The following SPINK5 variants were observed in gnomAD, a reference collection of about 807,000 sequenced individuals.
The protein encoded by SPINK5 is serine protease inhibitor Kazal-type 5.
In SPINK5, 125 loss-of-function variants were observed where a neutral mutation model predicts 151.8. The ratio of observed to expected loss-of-function variants is 0.82; its 90% CI spans 0.71 to 0.96. SPINK5 has a LOEUF of 0.96. SPINK5 is among the 40% of genes least tolerant of loss of function. The probability of loss-of-function intolerance (pLI) is 0.00; values close to 1 mark genes in which losing one functional copy is unlikely to be tolerated. For synonymous variants in SPINK5, 374 were observed against 395.3 expected, an observed-to-expected ratio of 0.95 and a Z score of 0.64; for missense variants, 1,194 against 1,291.9, an observed-to-expected ratio of 0.92 and a Z score of 1.16.
In SPINK5 at chr5:148,120,346, T is replaced by A. The variant is rs760919933; in HGVS notation, c.2493T>A (p.Asn831Lys). 5.0e-6 allele frequency: 8 copies of A among 1,600,728 alleles called. No homozygotes were observed. ...AGAAAGAGGATGAAGACAGGAGCAA[T>A]ACAGGAGAAAGGAGCAATACAGGAG... ...KKKKEDEDRS[N>K]TGERSNTGER... The change falls in exon 26 of 33, where the codon AAT becomes AAA. Residue 831 changes from asparagine (N) to lysine (K), a missense_variant. Coordinates refer to ENST00000256084, the MANE Select transcript of SPINK5 (RefSeq NM_006846.4).
chr5:148,125,483 G>A, intron 28 of SPINK5: 1 of 1,561,410 alleles, frequency 6.4e-7, no homozygotes, highest in Non-Finnish European at 8.8e-7. Flanking sequence ...AAAACAGGAA[G>A]GTCTATCAAG....
At chr5:148,108,208 C>T (rs1481665826) in intron 17 of SPINK5, among the ~76,000 whole-genome samples, 1 of 152,220 alleles carries the variant, frequency 6.6e-6, no homozygotes, top group Non-Finnish European at 1.5e-5. Flanking sequence ...GGCTTGTGTT[C>T]AACCCCCAAA....
chr5:148,136,924 C>T lies in SPINK5; in HGVS notation c.3187-59C>T, dbSNP rs530203484. Reference sequence around the variant, plus strand: ...TTAAGATGCAGCTATAAATATACAGCCCACATTTCTGCAATATCTCTGGGT... The same window carrying T: ...TTAAGATGCAGCTATAAATATACAGTCCACATTTCTGCAATATCTCTGGGT... On this transcript the variant is annotated intron_variant, in intron 32 of 32. Coordinates refer to ENST00000256084, the MANE Select transcript of SPINK5 (RefSeq NM_006846.4). The T allele has an allele frequency of 5.6e-6, 9 of 1,599,958 alleles. No homozygotes were observed. The East Asian group carries it at 8.9e-5, about 16-fold the overall frequency.
At position 148,103,685 on chromosome 5, in the gene SPINK5, T is replaced by A. The variant is rs1013207478; in HGVS notation, c.1431-1267T>A. ...CTTTATTGAAAAGAAATAACCTTTA[T>A]CACCTCATGTTTTATAGATATGTTA... On this transcript the variant is annotated intron_variant, in intron 15 of 32. Coordinates refer to ENST00000256084, the MANE Select transcript of SPINK5 (RefSeq NM_006846.4). Among the ~76,000 whole-genome samples, 7 of 152,204 alleles carry A rather than the reference T, an allele frequency of 4.6e-5. 1 individual carries two copies. The highest frequency in any genetic ancestry group is 3.9e-4 in the Admixed American group (6 of 15,278).
Position 148,107,017 on chromosome 5 carries a change from A to G in SPINK5, c.1480-20A>G. ...AAGGATAGAAAACTACTCTGAGAAA[A>G]TATTTTCTTCATTTCCCAGGAAATC... On this transcript the variant is annotated intron_variant, in intron 16 of 32. Coordinates refer to ENST00000256084, the MANE Select transcript of SPINK5 (RefSeq NM_006846.4). The G allele has an allele frequency of 6.2e-7, 1 of 1,610,290 alleles. No homozygotes were observed. The highest frequency in any genetic ancestry group is 8.5e-7 in the Non-Finnish European group (1 of 1,177,688).
At chr5:148,088,494 G>A in intron 5 of SPINK5, 48 bp from the exon 6 acceptor site, 3 of 1,547,308 alleles carry the variant, frequency 1.9e-6, no homozygotes, top group South Asian at 1.1e-5. Context: ...TGAATGGTGG[G>A]AAGTTCTGTG....
At chr5:148,098,117 C>G in intron 11 of SPINK5, 123 bp downstream of exon 11, 1 of 938,838 alleles carries the variant, frequency 1.1e-6, no homozygotes, top group Non-Finnish European at 1.6e-6. Flanking sequence ...GAAAACATTA[C>G]ATGGAAAATA....
At chr5:148,103,361 T>C (rs1753697731) in intron 15 of SPINK5, among the ~76,000 whole-genome samples, 1 of 152,136 alleles carries the variant, frequency 6.6e-6, no homozygotes, top group African/African-American at 2.4e-5. Flanking sequence ...GACTTACAGA[T>C]GAAGGAAAAG....
At chr5:148,096,181 CAT>C (rs763766635) in intron 10 of SPINK5, among the ~76,000 whole-genome samples, 46 of 151,882 alleles carry the variant, frequency 3.0e-4, no homozygotes, top group Non-Finnish European at 3.7e-4. Flanking sequence ...AATATCAAAA[CAT>C]TGTCTGAATT....
chr5:148,077,697 G>T (rs571840947), intron 4 of SPINK5, among the ~76,000 whole-genome samples: 1 of 145,290 alleles, frequency 6.9e-6, no homozygotes, highest in East Asian at 2.0e-4. Flanking sequence ...AGAAAATAAA[G>T]CTTTATTAAG....
At chr5:148,078,843 T>C (rs945518464) in intron 4 of SPINK5, among the ~76,000 whole-genome samples, 3 of 150,530 alleles carry the variant, frequency 2.0e-5, no homozygotes, top group Non-Finnish European at 4.5e-5. Flanking sequence ...AATAATTTAA[T>C]CCTCTACCTT....
At chr5:148,127,306 T>G (rs1489277220) in intron 30 of SPINK5, among the ~76,000 whole-genome samples, 1 of 152,138 alleles carries the variant, frequency 6.6e-6, no homozygotes, top group Non-Finnish European at 1.5e-5. Flanking sequence ...TTCAATTTAG[T>G]ACATTTTGAA....
chr5:148,093,078 G>A (rs913421771), intron 8 of SPINK5, among the ~76,000 whole-genome samples: 1 of 151,870 alleles, frequency 6.6e-6, no homozygotes, highest in African/African-American at 2.4e-5. Context: ...TTATGCCCAT[G>A]TTTTCTTGCC....
At chr5:148,108,707 A>G in intron 17 of SPINK5, 46 bp from the exon 18 acceptor site, 2 of 1,598,754 alleles carry the variant, frequency 1.3e-6, no homozygotes, top group Non-Finnish European at 1.7e-6. Flanking sequence ...ACTACCAAAA[A>G]GAGTAGGGAA....
rs776194215 is a variant in SPINK5, at chr5:148,088,551, G to A, written c.420G>A (p.Gly140=). 46 of 1,611,674 alleles carry A rather than the reference G, an allele frequency of 2.9e-5. No individual in the cohort carries two copies. The highest frequency in any genetic ancestry group is 3.9e-5 in the Non-Finnish European group (46 of 1,178,492). Residue 140 remains glycine, a synonymous_variant, in exon 6 of 33, where the codon GGG becomes GGA. Coordinates refer to ENST00000256084, the MANE Select transcript of SPINK5 (RefSeq NM_006846.4). ...TAACTTTTGATTCTAGGAAAACCGGGTCCCAAATTGGTGTAAAAAGTGAAG... is the reference window on the plus strand; with the variant it reads ...TAACTTTTGATTCTAGGAAAACCGGATCCCAAATTGGTGTAAAAAGTGAAG... ...CALCAENAKT[G]SQIGVKSEGE... is the part of the protein sequence containing the mutation.
chr5:148,120,716 C>G (rs1754234556), intron 26 of SPINK5, among the ~76,000 whole-genome samples: 1 of 152,104 alleles, frequency 6.6e-6, no homozygotes, highest in Admixed American at 6.5e-5. Context: ...AAGCAATTTG[C>G]CGGAGCTCAA....
intron 28 of SPINK5, 162 bp downstream of exon 28, chr5:148,124,999 G>A: frequency 6.6e-6 from 7 of 1,064,306 alleles, no homozygotes; most frequent in Non-Finnish European, 8.6e-6. Context: ...ATTTTTGGGG[G>A]TTTGGGGGTT....
rs140602984 is a variant in SPINK5, at chr5:148,125,482, A to G, written c.2740-241A>G. 3.2e-4 allele frequency: 492 copies of G among 1,557,216 alleles called. 3 individuals are homozygous for G. In the African/African-American group the frequency reaches 6.0e-3, roughly 19 times the overall value. ...GGATGAACGGGAGAAAAAAACAGGA[A>G]GGTCTATCAAGTGTTGTTTTATGTT... On this transcript the variant is annotated intron_variant, in intron 28 of 32. Transcript: ENST00000256084.
intron 21 of SPINK5, among the ~76,000 whole-genome samples, 189 bp downstream of exon 21, chr5:148,114,678 A>G (rs1754039344): frequency 6.6e-6 from 1 of 152,216 alleles, no homozygotes; most frequent in South Asian, 2.1e-4. Flanking sequence ...TAAAATAAAT[A>G]CAACTAAGCT....
Sources: allele counts gnomAD v4.1 joint callset (sites outside exome capture counted in the v4.1 genomes callset), GRCh38; gene constraint gnomAD v4.1.1; transcripts MANE v1.5; gene names NCBI Gene and HGNC (gene_info 2026-07-23, HGNC 2026-07-21).